The following ARHGAP32 variants were observed in gnomAD, a reference collection of about 807,000 sequenced individuals.
The protein encoded by ARHGAP32 is Rho GTPase activating protein 32.
Under a neutral mutation model 186.5 loss-of-function variants are expected in ARHGAP32, and 51 were observed. The ratio of observed to expected loss-of-function variants is 0.27; its 90% CI spans 0.22 to 0.35. ARHGAP32 has a LOEUF of 0.35. Among genes scored for constraint, ARHGAP32 ranks in the 10% least tolerant of loss-of-function variants. The pLI, the probability that ARHGAP32 is intolerant of heterozygous loss-of-function variation, is 1.00. For missense variants in ARHGAP32, 2,186 were observed against 2,623.5 expected, an observed-to-expected ratio of 0.83 and a Z score of 3.64; for synonymous variants, 950 against 964.3, an observed-to-expected ratio of 0.99 and a Z score of 0.27.
chr11:129,215,672 GTC>G (rs1337443086), intron 1 of ARHGAP32, among the ~76,000 whole-genome samples: 1 of 152,048 alleles, frequency 6.6e-6, no homozygotes, highest in Non-Finnish European at 1.5e-5. Context: ...TGACTCTCCT[GTC>G]TCTCTGAGAA....
chr11:129,225,992 C>T (rs1050929951), intron 1 of ARHGAP32, among the ~76,000 whole-genome samples: 1 of 152,032 alleles, frequency 6.6e-6, no homozygotes, highest in African/African-American at 2.4e-5. Context: ...AAGGGCTCAA[C>T]AGCAAATCTG....
chr11:129,024,969 T>A (rs948641884), intron 11 of ARHGAP32, among the ~76,000 whole-genome samples: 1 of 152,228 alleles, frequency 6.6e-6, no homozygotes, highest in African/African-American at 2.4e-5. Context: ...AACCCAATTA[T>A]GTATTTATTG....
At chr11:129,207,971 A>G (rs544579628) in intron 1 of ARHGAP32, among the ~76,000 whole-genome samples, 1 of 152,216 alleles carries the variant, frequency 6.6e-6, no homozygotes, top group African/African-American at 2.4e-5. Flanking sequence ...CAACATTTCT[A>G]CGTCCTCCCA....
At chr11:129,019,539 TTAAATGTAATAAG>T (rs1938505142) in intron 11 of ARHGAP32, among the ~76,000 whole-genome samples, 1 of 152,178 alleles carries the variant, frequency 6.6e-6, no homozygotes, top group Admixed American at 6.5e-5. Flanking sequence ...GTGTAATAAC[TTAAATGTAATAAG>T]TTATCAGAAT....
chr11:129,173,113 T>C (rs934139617), intron 1 of ARHGAP32, among the ~76,000 whole-genome samples: 1 of 149,254 alleles, frequency 6.7e-6, no homozygotes, highest in Non-Finnish European at 1.5e-5. Context: ...ACAGACACAA[T>C]AAAAAATGTT....
intron 6 of ARHGAP32, among the ~76,000 whole-genome samples, chr11:129,075,840 G>T (rs116463009): frequency 6.6e-6 from 1 of 152,154 alleles, no homozygotes; most frequent in Non-Finnish European, 1.5e-5. Flanking sequence ...GAACCAGAAG[G>T]ACTCCATCTT....
chr11:129,079,066 G>GA lies in ARHGAP32; in HGVS notation c.532-12199dup, dbSNP rs544496152. Among the ~76,000 whole-genome samples, 53 of 151,792 alleles carry GA rather than the reference G, an allele frequency of 3.5e-4. No homozygotes were observed. The South Asian group carries it at 0.011, about 30-fold the overall frequency. Reference sequence around the variant, plus strand: ...TTAACCCAATCCAACAAAGACAAAGGAAAAAAAATTAAAAAATGAACAAAG... The same window carrying GA: ...TTAACCCAATCCAACAAAGACAAAGGAAAAAAAAATTAAAAAATGAACAAAG... On this transcript the variant is annotated intron_variant, in intron 6 of 22. Transcript: ENST00000682385.
intron 1 of ARHGAP32, among the ~76,000 whole-genome samples, chr11:129,210,961 GCCACTCTGTTGCT>G (rs1944572105): frequency 6.6e-6 from 1 of 152,150 alleles, no homozygotes; most frequent in Non-Finnish European, 1.5e-5. Context: ...GCTCATTCAT[GCCACTCTGTTGCT>G]ACTTCAATTT....
At chr11:129,179,132 A>C (rs1224174952) in intron 1 of ARHGAP32, among the ~76,000 whole-genome samples, 1 of 152,146 alleles carries the variant, frequency 6.6e-6, no homozygotes, top group African/African-American at 2.4e-5. Context: ...AAGTGGGCGA[A>C]GGACATGAAC....
chr11:129,005,835 A>AC (rs1426843145), intron 11 of ARHGAP32, among the ~76,000 whole-genome samples: 1 of 151,862 alleles, frequency 6.6e-6, no homozygotes, highest in Non-Finnish European at 1.5e-5. Flanking sequence ...TAAACTTTCT[A>AC]CCCCTATCTC....
intron 6 of ARHGAP32, among the ~76,000 whole-genome samples, chr11:129,071,510 ATCATC>A (rs1251721813): frequency 6.6e-6 from 1 of 152,146 alleles, no homozygotes; most frequent in East Asian, 1.9e-4. Context: ...ACAATGAGAT[ATCATC>A]TTGCATCCGT....
chr11:128,977,641 A>G (rs1945584168), intron 19 of ARHGAP32, among the ~76,000 whole-genome samples: 1 of 152,034 alleles, frequency 6.6e-6, no homozygotes, highest in Admixed American at 6.6e-5. Flanking sequence ...CCTCTACAAG[A>G]GTTGACAATT....
At chr11:129,004,839 T>TA (rs1937678398) in intron 11 of ARHGAP32, among the ~76,000 whole-genome samples, 1 of 152,130 alleles carries the variant, frequency 6.6e-6, no homozygotes. Context: ...CTATGTCTTT[T>TA]ATTGAAGAGT....
intron 5 of ARHGAP32, among the ~76,000 whole-genome samples, chr11:129,099,119 A>G (rs1941818796): frequency 6.6e-6 from 1 of 152,254 alleles, no homozygotes; most frequent in African/African-American, 2.4e-5. Context: ...CCTCCTTATC[A>G]GTAATTACTT....
At chr11:129,279,618 CA>C (rs1945587555), upstream of ARHGAP32, among the ~76,000 whole-genome samples, 1 of 146,210 alleles carries the variant, frequency 6.8e-6, no homozygotes, top group Non-Finnish European at 1.5e-5. Context: ...GCGACGCCCG[CA>C]GCGGGGAGAA....
chr11:129,128,741 A>G (rs1161213152), intron 2 of ARHGAP32, among the ~76,000 whole-genome samples: 1 of 151,934 alleles, frequency 6.6e-6, no homozygotes, highest in Non-Finnish European at 1.5e-5. Flanking sequence ...GCACCGCCAC[A>G]CCTGACTGGT....
chr11:129,088,711 C>T (rs1353358502), intron 6 of ARHGAP32, among the ~76,000 whole-genome samples: 1 of 152,050 alleles, frequency 6.6e-6, no homozygotes, highest in Non-Finnish European at 1.5e-5. Context: ...TTATATACTC[C>T]TGCCAAAATT....
intron 11 of ARHGAP32, among the ~76,000 whole-genome samples, chr11:129,015,764 T>C (rs1175257484): frequency 6.6e-6 from 1 of 152,222 alleles, no homozygotes; most frequent in Admixed American, 6.5e-5. Context: ...TTAAACTACA[T>C]TACAATATTC....
chr11:129,182,675 G>A (rs751595102), intron 1 of ARHGAP32, among the ~76,000 whole-genome samples: 26 of 148,832 alleles, frequency 1.7e-4, no homozygotes, highest in Admixed American at 4.0e-4. Flanking sequence ...ACAGGGTCTC[G>A]CTCTATTTCC....
Sources: gnomAD v4.1 joint callset for allele counts (sites outside exome capture counted in the v4.1 genomes callset) on GRCh38, gnomAD v4.1.1 for gene constraint, MANE v1.5 for transcripts, NCBI Gene and HGNC (gene_info 2026-07-23, HGNC 2026-07-21) for gene names.